The following CEP128 variants were observed in gnomAD, a reference collection of about 807,000 sequenced individuals.
CEP128 encodes centrosomal protein 128.
A neutral mutation model predicts 156.7 loss-of-function variants in CEP128; 132 were observed. That is an observed-to-expected ratio of 0.84 (90% confidence interval 0.73 to 0.97). The LOEUF is 0.97. Ranked by LOEUF, CEP128 falls within the 50% of genes least tolerant of loss-of-function variation. CEP128 has a pLI of 0.00. For missense variants in CEP128, 1,252 were observed against 1,281.9 expected, an observed-to-expected ratio of 0.98 and a Z score of 0.36; for synonymous variants, 469 against 448.9, an observed-to-expected ratio of 1.04 and a Z score of -0.57.
intron 9 of CEP128, among the ~76,000 whole-genome samples, chr14:80,844,148 C>T (rs1426791265): frequency 6.6e-6 from 1 of 151,296 alleles, no homozygotes; most frequent in Non-Finnish European, 1.5e-5. Context: ...ATTATCTGTG[C>T]CAACAAAAAC....
chr14:80,504,828 A>T, intron 24 of CEP128, 84 bp downstream of exon 24: 1 of 579,430 alleles, frequency 1.7e-6, no homozygotes, highest in Non-Finnish European at 3.0e-6. Flanking sequence ...TATTACTATC[A>T]TATACTGGCC....
At chr14:80,747,133 C>T (rs546830359) in intron 18 of CEP128, among the ~76,000 whole-genome samples, 3 of 152,204 alleles carry the variant, frequency 2.0e-5, no homozygotes, top group Non-Finnish European at 2.9e-5. Context: ...ACTGCCAGTG[C>T]GAATGCACAG....
At chr14:80,922,945 C>A (rs547452093) in intron 2 of CEP128, among the ~76,000 whole-genome samples, 25 of 152,336 alleles carry the variant, frequency 1.6e-4, no homozygotes, top group African/African-American at 5.5e-4. Flanking sequence ...CAGCTTACTA[C>A]CACCTGCTGG....
intron 19 of CEP128, among the ~76,000 whole-genome samples, chr14:80,711,295 TTGTGTG>T (rs138953286): frequency 0.062 from 8,968 of 145,766 alleles, 381 homozygotes; most frequent in South Asian, 0.23. Flanking sequence ...TAAGACTATG[TTGTGTG>T]TGTGTGTGTG....
At chr14:80,530,190 G>A (rs547469849) in intron 22 of CEP128, among the ~76,000 whole-genome samples, 12 of 152,142 alleles carry the variant, frequency 7.9e-5, no homozygotes, top group South Asian at 6.2e-4. Flanking sequence ...TATATACGAC[G>A]TTCTTGGGAC....
chr14:80,775,534 C>T (rs570960028), intron 16 of CEP128, among the ~76,000 whole-genome samples: 9 of 152,192 alleles, frequency 5.9e-5, no homozygotes, highest in Non-Finnish European at 7.3e-5. Flanking sequence ...CATCTTTTCT[C>T]TGCATTAGCA....
chr14:80,678,926 A>G (rs1394687745), intron 19 of CEP128, among the ~76,000 whole-genome samples: 1 of 152,198 alleles, frequency 6.6e-6, no homozygotes, highest in East Asian at 1.9e-4. Context: ...ATATGGACAT[A>G]TATCAGTTCC....
intron 5 of CEP128, chr14:80,905,632 C>A: frequency 5.0e-6 from 1 of 201,620 alleles, no homozygotes; most frequent in Non-Finnish European, 9.3e-6. Flanking sequence ...TACGCTAGGA[C>A]AGGATACCTA....
chr14:80,578,624 C>A (rs143883396), intron 20 of CEP128, among the ~76,000 whole-genome samples: 1 of 152,264 alleles, frequency 6.6e-6, no homozygotes, highest in East Asian at 1.9e-4. Context: ...ACCAGAAACA[C>A]AGCCAGGTAC....
intron 19 of CEP128, among the ~76,000 whole-genome samples, chr14:80,594,372 G>A (rs1422402057): frequency 6.6e-6 from 1 of 152,108 alleles, no homozygotes; most frequent in African/African-American, 2.4e-5. Context: ...AAAAACCCTA[G>A]AAGAAAACCT....
chr14:80,748,030 T>C (rs1236730003), intron 18 of CEP128, among the ~76,000 whole-genome samples: 1 of 152,192 alleles, frequency 6.6e-6, no homozygotes, highest in Non-Finnish European at 1.5e-5. Flanking sequence ...ATGAATTATA[T>C]CTCAATTAAG....
intron 16 of CEP128, among the ~76,000 whole-genome samples, chr14:80,765,552 A>C (rs949598965): frequency 2.6e-5 from 4 of 152,238 alleles, no homozygotes; most frequent in Admixed American, 6.5e-5. Flanking sequence ...TATATTAGAG[A>C]ATGATTCAAA....
At chr14:80,567,999 C>A (rs8014433) in intron 20 of CEP128, among the ~76,000 whole-genome samples, 85,627 of 151,504 alleles carry the variant, frequency 0.57, 24,456 homozygotes, top group East Asian at 0.72. Context: ...GTATCAATGG[C>A]ATATGCCCTG....
chr14:80,886,158 T>C (rs1191631470), intron 8 of CEP128, among the ~76,000 whole-genome samples: 2 of 152,114 alleles, frequency 1.3e-5, no homozygotes, highest in African/African-American at 4.8e-5. Flanking sequence ...GTTTCATTGG[T>C]GTACCTGAAA....
chr14:80,645,544 T>G (rs1356796547), intron 19 of CEP128, among the ~76,000 whole-genome samples: 1 of 151,990 alleles, frequency 6.6e-6, no homozygotes, highest in Non-Finnish European at 1.5e-5. Flanking sequence ...TGGAAAGGAA[T>G]TAAAATAAGC....
chr14:80,648,566 T>A (rs953812231), intron 19 of CEP128, among the ~76,000 whole-genome samples: 1 of 152,002 alleles, frequency 6.6e-6, no homozygotes, highest in African/African-American at 2.4e-5. Flanking sequence ...GATGGGCAGA[T>A]AAAAATAAAA....
At chr14:80,850,562 G>C (rs1044310945) in intron 9 of CEP128, among the ~76,000 whole-genome samples, 1 of 152,128 alleles carries the variant, frequency 6.6e-6, no homozygotes, top group Admixed American at 6.5e-5. Flanking sequence ...AAAAGGAATT[G>C]TATCTACAAA....
chr14:80,521,324 T>C (rs1594943324), intron 23 of CEP128, among the ~76,000 whole-genome samples: 2 of 152,292 alleles, frequency 1.3e-5, no homozygotes, highest in Middle Eastern at 6.8e-3. Context: ...AATATTCTTA[T>C]TGAGTAAATT....
intron 19 of CEP128, among the ~76,000 whole-genome samples, chr14:80,704,133 C>T (rs915495650): frequency 6.6e-6 from 1 of 151,918 alleles, no homozygotes; most frequent in Non-Finnish European, 1.5e-5. Context: ...CTGTTCCTTA[C>T]CACACAATTA....
Sources: gnomAD v4.1 joint callset for allele counts (sites outside exome capture counted in the v4.1 genomes callset) on GRCh38, gnomAD v4.1.1 for gene constraint, MANE v1.5 for transcripts, NCBI Gene and HGNC (gene_info 2026-07-23, HGNC 2026-07-21) for gene names.